The following RALYL variants were observed in gnomAD, a reference collection of about 807,000 sequenced individuals.
RALYL encodes RNA-binding Raly-like protein.
Under a neutral mutation model 35.1 loss-of-function variants are expected in RALYL, and 29 were observed. The observed-to-expected ratio is 0.83, with a 90% CI of 0.61 to 1.13. RALYL has a LOEUF of 1.13. Among genes scored for constraint, RALYL ranks in the 50% most tolerant of loss-of-function variants. The pLI is 0.00. For synonymous variants in RALYL, 120 were observed against 127.6 expected, an observed-to-expected ratio of 0.94 and a Z score of 0.40; for missense variants, 359 against 360.4, an observed-to-expected ratio of 1.00 and a Z score of 0.03.
At chr8:84,278,091 C>T (rs947484244) in intron 1 of RALYL, among the ~76,000 whole-genome samples, 1 of 152,254 alleles carries the variant, frequency 6.6e-6, no homozygotes, top group African/African-American at 2.4e-5. Flanking sequence ...CATGAAGACC[C>T]TGCCCCTGCA....
At chr8:84,820,142 GT>G (rs899268014) in intron 4 of RALYL, among the ~76,000 whole-genome samples, 3 of 152,116 alleles carry the variant, frequency 2.0e-5, no homozygotes, top group African/African-American at 7.2e-5. Flanking sequence ...ATAAAATGTT[GT>G]TAAAATTGTA....
intron 2 of RALYL, among the ~76,000 whole-genome samples, chr8:84,736,329 G>GA (rs886579402): frequency 6.6e-6 from 1 of 151,902 alleles, no homozygotes; most frequent in Non-Finnish European, 1.5e-5. Flanking sequence ...AGAAGATAAG[G>GA]AAAAAAATCA....
intron 1 of RALYL, among the ~76,000 whole-genome samples, chr8:84,401,236 T>A (rs1043209860): frequency 1.3e-5 from 2 of 152,192 alleles, no homozygotes; most frequent in African/African-American, 2.4e-5. Context: ...TTCTTTTTTT[T>A]AATCTTTTCT....
intron 1 of RALYL, among the ~76,000 whole-genome samples, chr8:84,271,270 G>A (rs947299325): frequency 5.3e-5 from 8 of 151,760 alleles, no homozygotes; most frequent in African/African-American, 1.5e-4. Context: ...TATACAAATG[G>A]CAAACAAGCA....
intron 1 of RALYL, among the ~76,000 whole-genome samples, chr8:84,251,472 A>T (rs1295311832): frequency 1.3e-5 from 2 of 152,020 alleles, no homozygotes; most frequent in Non-Finnish European, 1.5e-5. Context: ...GGCAGTGCAA[A>T]CTGTTATTTT....
At chr8:84,241,932 C>G (rs1428711003) in intron 1 of RALYL, among the ~76,000 whole-genome samples, 2 of 151,944 alleles carry the variant, frequency 1.3e-5, no homozygotes, top group Admixed American at 1.3e-4. Context: ...TGGTTTGTTG[C>G]ACAGATAAAC....
intron 3 of RALYL, among the ~76,000 whole-genome samples, chr8:84,777,376 G>A (rs552923005): frequency 4.6e-5 from 7 of 151,986 alleles, no homozygotes; most frequent in Non-Finnish European, 1.0e-4. Flanking sequence ...GCCAGCAAGT[G>A]GCAGAGGAAA....
chr8:84,913,020 A>G (rs1176166799), intron 8 of RALYL, among the ~76,000 whole-genome samples: 5 of 124,864 alleles, frequency 4.0e-5, no homozygotes, highest in South Asian at 5.3e-4. Flanking sequence ...GGATGGATGG[A>G]TGGATGGATG....
chr8:84,827,023 G>A (rs905557845), intron 4 of RALYL, among the ~76,000 whole-genome samples: 1 of 151,812 alleles, frequency 6.6e-6, no homozygotes, highest in Admixed American at 6.6e-5. Context: ...ACATTTAAAA[G>A]TATTACTTAA....
chr8:84,395,789 CTCTA>C lies in RALYL; in HGVS notation c.-23-133506_-23-133503del, dbSNP rs564604009. 5.3e-3 allele frequency among the ~76,000 whole-genome samples: 805 copies of C among 151,832 alleles called. 7 individuals carry two copies. Among genetic ancestry groups the C allele is most frequent in the Non-Finnish European group, 5.4e-3 (367 of 67,768 alleles). On this transcript the variant is annotated intron_variant, in intron 1 of 8. Coordinates refer to ENST00000521268, the MANE Select transcript of RALYL (RefSeq NM_173848.7). ...ATTGTGAAATAATCTTTGGTAAAAT[CTCTA>C]TCTTTGTTAAAAATTCCCAGAATGA...
At chr8:84,259,996 G>T (rs888733127) in intron 1 of RALYL, among the ~76,000 whole-genome samples, 2 of 152,242 alleles carry the variant, frequency 1.3e-5, no homozygotes, top group African/African-American at 4.8e-5. Context: ...AGTCATTCTG[G>T]CTTGCATTAA....
intron 7 of RALYL, among the ~76,000 whole-genome samples, chr8:84,874,156 G>A (rs1303649322): frequency 6.6e-6 from 1 of 152,200 alleles, no homozygotes; most frequent in African/African-American, 2.4e-5. Context: ...CCGGTAGGTA[G>A]ACAGACTTAT....
intron 1 of RALYL, among the ~76,000 whole-genome samples, chr8:84,425,629 C>G (rs1157724755): frequency 6.6e-6 from 1 of 152,182 alleles, no homozygotes; most frequent in Non-Finnish European, 1.5e-5. Flanking sequence ...TCCAAAACAG[C>G]AATTCTAAAC....
rs570883812 is a variant in RALYL, at chr8:84,327,471, A to G, written c.-24+143047A>G. ...GCCATGTATGTTTGAATTTCAACGT[A>G]TGGACCAGCGTCTTGCAACCTAGGG... On this transcript the variant is annotated intron_variant, in intron 1 of 8. Transcript: ENST00000521268. 3.9e-5 allele frequency among the ~76,000 whole-genome samples: 6 copies of G among 152,266 alleles called. No homozygotes were observed. In the South Asian group the frequency reaches 1.0e-3, roughly 26 times the overall value.
intron 2 of RALYL, among the ~76,000 whole-genome samples, chr8:84,617,412 A>G (rs1363454037): frequency 6.7e-6 from 1 of 148,276 alleles, no homozygotes; most frequent in Admixed American, 6.7e-5. Context: ...TTGGTGTATA[A>G]GAATGCTTGT....
At chr8:84,752,841 C>G (rs1354703884) in intron 2 of RALYL, among the ~76,000 whole-genome samples, 1 of 152,180 alleles carries the variant, frequency 6.6e-6, no homozygotes, top group Non-Finnish European at 1.5e-5. Flanking sequence ...TATGGAAAAG[C>G]CTGGATGTCC....
chr8:84,589,546 G>T (rs1812764604), intron 2 of RALYL, among the ~76,000 whole-genome samples: 1 of 152,128 alleles, frequency 6.6e-6, no homozygotes, highest in Admixed American at 6.5e-5. Flanking sequence ...AAATATTAAT[G>T]AACATAATTC....
At chr8:84,414,462 A>G (rs2044417538) in intron 1 of RALYL, among the ~76,000 whole-genome samples, 1 of 152,198 alleles carries the variant, frequency 6.6e-6, no homozygotes, top group Non-Finnish European at 1.5e-5. Context: ...GAAGGGAATT[A>G]AAGAAGAGGT....
At chr8:84,739,770 G>A (rs552795777) in intron 2 of RALYL, among the ~76,000 whole-genome samples, 3 of 151,958 alleles carry the variant, frequency 2.0e-5, no homozygotes, top group African/African-American at 4.8e-5. Context: ...TTTGAGAAAT[G>A]AATCTGAGAC....
Sources: allele counts gnomAD v4.1 joint callset (sites outside exome capture counted in the v4.1 genomes callset), GRCh38; gene constraint gnomAD v4.1.1; transcripts MANE v1.5; gene names NCBI Gene and HGNC (gene_info 2026-07-23, HGNC 2026-07-21).